RSRC1: variants seen among roughly 807,000 people sequenced by gnomAD.
RSRC1 encodes the protein arginine and serine rich coiled-coil 1.
A neutral mutation model predicts 49.1 loss-of-function variants in RSRC1; 39 were observed. That is an observed-to-expected ratio of 0.79 (90% confidence interval 0.61 to 1.04). RSRC1 has a LOEUF of 1.04. Among genes scored for constraint, RSRC1 ranks in the 50% least tolerant of loss-of-function variants. The probability of loss-of-function intolerance (pLI) is 0.00; values close to 1 mark genes in which losing one functional copy is unlikely to be tolerated. For missense variants in RSRC1, 388 were observed against 402.4 expected (o/e 0.96, Z 0.31); for synonymous variants, 143 against 130.8 (o/e 1.09, Z -0.63).
In RSRC1 at chr3:158,370,216, T is replaced by A. The variant is rs145800694; in HGVS notation, c.583+15308T>A. On this transcript the variant is annotated intron_variant, in intron 6 of 9. Transcript: ENST00000611884. Reference sequence around the variant, plus strand: ...ATTGTTTTTGCTTATCTTTATTTTCTGATTTTTCTGTGGTTATGAAGAGAA... The same window carrying A: ...ATTGTTTTTGCTTATCTTTATTTTCAGATTTTTCTGTGGTTATGAAGAGAA... Among the ~76,000 whole-genome samples the A allele has an allele frequency of 1.4e-3, 210 of 152,054 alleles. 1 individual carries two copies. Among genetic ancestry groups the A allele is most frequent in the African/African-American group, 4.9e-3 (202 of 41,550 alleles).
intron 3 of RSRC1, among the ~76,000 whole-genome samples, chr3:158,130,145 C>A (rs1715920493): frequency 6.6e-6 from 1 of 152,022 alleles, no homozygotes; most frequent in Non-Finnish European, 1.5e-5. Context: ...CTTCTTGTGT[C>A]CCATGTTACA....
intron 3 of RSRC1, among the ~76,000 whole-genome samples, chr3:158,148,444 A>T (rs550560469): frequency 5.9e-5 from 9 of 152,072 alleles, no homozygotes; most frequent in Non-Finnish European, 1.3e-4. Flanking sequence ...CAGTACAGTA[A>T]GATATCAATA....
At chr3:158,444,574 A>T (rs186323951) in intron 6 of RSRC1, among the ~76,000 whole-genome samples, 7 of 152,172 alleles carry the variant, frequency 4.6e-5, no homozygotes, top group African/African-American at 1.4e-4. Context: ...AACCTAGGCA[A>T]TACCATTCAG....
chr3:158,385,953 A>G (rs573730822), intron 6 of RSRC1, among the ~76,000 whole-genome samples: 1 of 152,262 alleles, frequency 6.6e-6, no homozygotes, highest in African/African-American at 2.4e-5. Flanking sequence ...CTAAAGAAGC[A>G]TGTGGATTTA....
At chr3:158,409,922 C>CTT (rs35721088) in intron 6 of RSRC1, among the ~76,000 whole-genome samples, 7 of 149,492 alleles carry the variant, frequency 4.7e-5, no homozygotes, top group South Asian at 4.2e-4. Flanking sequence ...TTTCAGAATT[C>CTT]TTTTTTTTTT....
intron 1 of RSRC1, among the ~76,000 whole-genome samples, chr3:158,114,742 AT>A (rs1714678198): frequency 6.6e-6 from 1 of 151,716 alleles, no homozygotes; most frequent in Non-Finnish European, 1.5e-5. Context: ...ATTCCTAGGT[AT>A]TTTATTCTTT....
At chr3:158,133,820 AT>A (rs1716190024) in intron 3 of RSRC1, among the ~76,000 whole-genome samples, 1 of 152,256 alleles carries the variant, frequency 6.6e-6, no homozygotes, top group South Asian at 2.1e-4. Context: ...TGGAATACTT[AT>A]GCAGAGATGT....
chr3:158,183,119 TAA>T (rs1360136287), intron 3 of RSRC1, among the ~76,000 whole-genome samples: 1 of 152,136 alleles, frequency 6.6e-6, no homozygotes, highest in East Asian at 1.9e-4. Context: ...TAAAGATAAA[TAA>T]GTTATTAATG....
At chr3:158,363,208 A>G (rs905747588) in intron 6 of RSRC1, among the ~76,000 whole-genome samples, 3 of 152,140 alleles carry the variant, frequency 2.0e-5, no homozygotes, top group African/African-American at 7.2e-5. Context: ...TACAGAGCTA[A>G]TAAGTGATAG....
chr3:158,528,953 A>C (rs1576609906), intron 7 of RSRC1, among the ~76,000 whole-genome samples: 1 of 151,886 alleles, frequency 6.6e-6, no homozygotes, highest in African/African-American at 2.4e-5. Flanking sequence ...ATTGCTGAAC[A>C]GTAAATAAAG....
At chr3:158,527,846 T>C (rs1712139404) in intron 7 of RSRC1, among the ~76,000 whole-genome samples, 1 of 151,990 alleles carries the variant, frequency 6.6e-6, no homozygotes, top group Non-Finnish European at 1.5e-5. Flanking sequence ...TAATTCATTA[T>C]AAAAAGTATA....
At chr3:158,481,079 G>A (rs1446777792) in intron 7 of RSRC1, among the ~76,000 whole-genome samples, 2 of 152,034 alleles carry the variant, frequency 1.3e-5, no homozygotes, top group Non-Finnish European at 2.9e-5. Flanking sequence ...AGGAAGGAGG[G>A]GCTTGAGCTT....
At position 158,537,586 on chromosome 3, in the gene RSRC1, C is replaced by T. The variant is rs187221401; in HGVS notation, c.759+388C>T. Among the ~76,000 whole-genome samples the T allele has an allele frequency of 4.0e-5, 6 of 151,686 alleles. No homozygotes were observed. In the East Asian group the frequency reaches 9.7e-4, roughly 24 times the overall value. The stretch of plus-strand genomic sequence containing the variant: ...TAGAAAAGGGCTTTAATAATAAAAA[C>T]TAATACCCATATTGTCACATATATC... On this transcript the variant is annotated intron_variant, in intron 8 of 9. Transcript: ENST00000611884.
chr3:158,423,887 G>A (rs1399191272), intron 6 of RSRC1, among the ~76,000 whole-genome samples: 4 of 151,144 alleles, frequency 2.6e-5, no homozygotes, highest in Admixed American at 6.6e-5. Flanking sequence ...TGTTATTGGT[G>A]TATAAGAATG....
At chr3:158,401,503 A>G (rs1399933979) in intron 6 of RSRC1, among the ~76,000 whole-genome samples, 1 of 152,012 alleles carries the variant, frequency 6.6e-6, no homozygotes, top group African/African-American at 2.4e-5. Context: ...GAAATTGACC[A>G]AGAAATTGCA....
At chr3:158,406,228 C>G (rs61297176) in intron 6 of RSRC1, among the ~76,000 whole-genome samples, 1 of 151,932 alleles carries the variant, frequency 6.6e-6, no homozygotes, top group Admixed American at 6.6e-5. Flanking sequence ...AATGTTCTCA[C>G]AATTTTTTAA....
chr3:158,174,566 C>T (rs1369788614), intron 3 of RSRC1, among the ~76,000 whole-genome samples: 1 of 151,940 alleles, frequency 6.6e-6, no homozygotes, highest in Non-Finnish European at 1.5e-5. Context: ...ATACTGACTT[C>T]TAAATCCATT....
chr3:158,511,546 A>T (rs1740177858), intron 7 of RSRC1, among the ~76,000 whole-genome samples: 1 of 152,126 alleles, frequency 6.6e-6, no homozygotes, highest in Non-Finnish European at 1.5e-5. Flanking sequence ...GGTTGGTTCC[A>T]AGTCTTTGCT....
At chr3:158,443,014 G>T (rs1376756208) in intron 6 of RSRC1, among the ~76,000 whole-genome samples, 1 of 151,890 alleles carries the variant, frequency 6.6e-6, no homozygotes. Flanking sequence ...CTCAACAGTG[G>T]GCTTCAAATA....
Sources: gnomAD v4.1 joint callset for allele counts (sites outside exome capture counted in the v4.1 genomes callset) on GRCh38, gnomAD v4.1.1 for gene constraint, MANE v1.5 for transcripts, NCBI Gene and HGNC (gene_info 2026-07-23, HGNC 2026-07-21) for gene names.